The following GRIP1 variants were observed in gnomAD, a reference collection of about 807,000 sequenced individuals.
GRIP1 encodes the protein glutamate receptor interacting protein 1.
In GRIP1, 45 loss-of-function variants were observed where a neutral mutation model predicts 129.9. The ratio of observed to expected loss-of-function variants is 0.35; its 90% confidence interval spans 0.27 to 0.44. The LOEUF (loss-of-function observed/expected upper bound fraction) is 0.44. Ranked by LOEUF, GRIP1 falls within the 20% of genes least tolerant of loss-of-function variation. The pLI, the probability that GRIP1 is intolerant of heterozygous loss-of-function variation, is 1.00. For synonymous variants in GRIP1, 530 were observed against 520.8 expected, an observed-to-expected ratio of 1.02 and a Z score of -0.24; for missense variants, 1,196 against 1,396.8, an observed-to-expected ratio of 0.86 and a Z score of 2.29.
At chr12:66,755,461 A>G (rs2037257814) in intron 1 of GRIP1, among the ~76,000 whole-genome samples, 1 of 152,236 alleles carries the variant, frequency 6.6e-6, no homozygotes, top group South Asian at 2.1e-4. Flanking sequence ...TTAAAAAATA[A>G]CAAAGAAAGG....
intron 7 of GRIP1, among the ~76,000 whole-genome samples, chr12:66,512,659 A>T (rs1262188732): frequency 6.6e-6 from 1 of 151,856 alleles, no homozygotes. Flanking sequence ...AAATGAATAA[A>T]GGACATAAAT....
intron 2 of GRIP1, among the ~76,000 whole-genome samples, chr12:66,549,883 T>G (rs115244800): frequency 1.5e-3 from 82 of 56,182 alleles, no homozygotes; most frequent in Non-Finnish European, 1.6e-3. Context: ...ATGTTTCCTA[T>G]TGCACCTCCA....
chr12:66,707,503 T>A (rs370667992), intron 1 of GRIP1, among the ~76,000 whole-genome samples: 1,700 of 63,332 alleles, frequency 0.027, 21 homozygotes, highest in Non-Finnish European at 0.03. Flanking sequence ...AATCACTGAC[T>A]AAAAAAAAAA....
intron 1 of GRIP1, among the ~76,000 whole-genome samples, chr12:67,060,731 G>A (rs1487644743): frequency 2.6e-5 from 4 of 151,426 alleles, no homozygotes; most frequent in Non-Finnish European, 5.9e-5. Context: ...GCTGAGGCAG[G>A]AGAACTTCTT....
chr12:66,571,778 A>C (rs752422654), intron 2 of GRIP1, among the ~76,000 whole-genome samples: 1 of 152,190 alleles, frequency 6.6e-6, no homozygotes, highest in Non-Finnish European at 1.5e-5. Flanking sequence ...GAGATGCTTC[A>C]TGGTTATTGT....
At chr12:67,062,195 T>A (rs999302083) in intron 1 of GRIP1, among the ~76,000 whole-genome samples, 1 of 152,214 alleles carries the variant, frequency 6.6e-6, no homozygotes, top group Non-Finnish European at 1.5e-5. Context: ...GCCTGCCAGA[T>A]GCAATCAAAC....
At chr12:66,589,704 C>A (rs1317476537) in intron 2 of GRIP1, among the ~76,000 whole-genome samples, 2 of 152,048 alleles carry the variant, frequency 1.3e-5, no homozygotes, top group Admixed American at 1.3e-4. Context: ...TTTAAACTTA[C>A]TTAAAATAAT....
At chr12:66,499,434 T>C (rs2060326230) in intron 7 of GRIP1, among the ~76,000 whole-genome samples, 1 of 152,218 alleles carries the variant, frequency 6.6e-6, no homozygotes, top group Non-Finnish European at 1.5e-5. Flanking sequence ...CAAAATCAAA[T>C]ACTCTTCATT....
intron 1 of GRIP1, among the ~76,000 whole-genome samples, chr12:66,928,502 T>G (rs1324045937): frequency 1.3e-5 from 2 of 151,744 alleles, no homozygotes; most frequent in Non-Finnish European, 2.9e-5. Context: ...CATAAAATAA[T>G]CTACTTTGGA....
At chr12:66,445,692 TATA>T (rs898995919) in intron 11 of GRIP1, among the ~76,000 whole-genome samples, 184 bp from the exon 12 acceptor site, 3 of 152,204 alleles carry the variant, frequency 2.0e-5, no homozygotes, top group Non-Finnish European at 4.4e-5. Flanking sequence ...ATCACAATTC[TATA>T]ATAACATCAG....
intron 1 of GRIP1, among the ~76,000 whole-genome samples, chr12:67,034,326 T>G (rs533111715): frequency 6.6e-6 from 1 of 152,314 alleles, no homozygotes; most frequent in Admixed American, 6.5e-5. Context: ...AATCATAGTT[T>G]GCATGGCTTA....
chr12:66,608,893 T>C (rs1346347004), intron 1 of GRIP1, among the ~76,000 whole-genome samples: 2 of 151,680 alleles, frequency 1.3e-5, no homozygotes, highest in Non-Finnish European at 2.9e-5. Context: ...AGCTGAGTGA[T>C]AGACAAGGAC....
At chr12:66,446,002 GC>G (rs907625263) in intron 11 of GRIP1, among the ~76,000 whole-genome samples, 1 of 152,016 alleles carries the variant, frequency 6.6e-6, no homozygotes, top group Admixed American at 6.6e-5. Context: ...ACTAAATCTG[GC>G]CCCTGGCGTG....
chr12:66,569,072 C>A (rs1368670245), intron 2 of GRIP1: 1 of 242,202 alleles, frequency 4.1e-6, no homozygotes. Context: ...TTCATTGATT[C>A]CACCATGCTA....
chr12:66,490,018 T>C (rs926930648), intron 7 of GRIP1, among the ~76,000 whole-genome samples: 1 of 152,114 alleles, frequency 6.6e-6, no homozygotes, highest in African/African-American at 2.4e-5. Flanking sequence ...TGTCCATGGA[T>C]AGGAAGAATC....
intron 1 of GRIP1, among the ~76,000 whole-genome samples, chr12:66,724,478 C>A (rs2136464033): frequency 6.6e-6 from 1 of 152,264 alleles, no homozygotes; most frequent in Admixed American, 6.5e-5. Context: ...TAGAAGCATA[C>A]AACATTTCAG....
chr12:66,371,985 T>C, intron 22 of GRIP1, 58 bp from the exon 23 acceptor site: 1 of 1,095,318 alleles, frequency 9.1e-7, no homozygotes. Flanking sequence ...AAGGATTTGG[T>C]GCTCAACAGT....
At chr12:66,792,596 T>G (rs541154777) in intron 1 of GRIP1, among the ~76,000 whole-genome samples, 1 of 152,292 alleles carries the variant, frequency 6.6e-6, no homozygotes, top group South Asian at 2.1e-4. Context: ...CTCCTTATGT[T>G]GCCCAGGCTA....
chr12:66,872,163 C>T (rs141097657), intron 1 of GRIP1, among the ~76,000 whole-genome samples: 2 of 152,092 alleles, frequency 1.3e-5, no homozygotes, highest in African/African-American at 4.8e-5. Context: ...GGAGGTTTTG[C>T]CAGTTAGTCA....
Sources: gnomAD v4.1 joint callset for allele counts (sites outside exome capture counted in the v4.1 genomes callset) on GRCh38, gnomAD v4.1.1 for gene constraint, MANE v1.5 for transcripts, NCBI Gene and HGNC (gene_info 2026-07-23, HGNC 2026-07-21) for gene names.